The following SIGLEC7 variants were observed in gnomAD, a reference collection of about 807,000 sequenced individuals.
SIGLEC7 encodes the protein sialic acid-binding Ig-like lectin 7.
Under a neutral mutation model 40.8 loss-of-function variants are expected in SIGLEC7, and 33 were observed. That is an observed-to-expected ratio of 0.81 (90% CI 0.61 to 1.08). SIGLEC7 has a LOEUF of 1.08. Ranked by LOEUF, SIGLEC7 falls within the 50% of genes least tolerant of loss-of-function variation. The probability of loss-of-function intolerance (pLI) is 0.00; values close to 1 mark genes in which losing one functional copy is unlikely to be tolerated. For synonymous variants in SIGLEC7, 242 were observed against 237.6 expected, an observed-to-expected ratio of 1.02 and a Z score of -0.17; for missense variants, 513 against 576.1, an observed-to-expected ratio of 0.89 and a Z score of 1.12.
Position 51,144,930 on chromosome 19 carries a change from C to G in SIGLEC7, c.731C>G (p.Thr244Ser). ...LNVSYPPQNL[T>S]VTVFQGEGTA... ...GTCCCAGACCCTCCTCAGAACTTGACTGTGACTGTCTTCCAAGGAGAAGGC... is the reference window on the plus strand; with the variant it reads ...GTCCCAGACCCTCCTCAGAACTTGAGTGTGACTGTCTTCCAAGGAGAAGGC... The change falls in exon 3 of 7, where the codon ACT becomes AGT. Residue 244 changes from threonine to serine, a missense_variant. Transcript: ENST00000317643. 3.1e-6 allele frequency: 5 copies of G among 1,614,110 alleles called. No individual in the cohort carries two copies. Among genetic ancestry groups the G allele is most frequent in the Non-Finnish European group, 3.4e-6 (4 of 1,179,980 alleles).
At chr19:51,143,748 C>T in intron 1 of SIGLEC7, 1 of 249,694 alleles carries the variant, frequency 4.0e-6, no homozygotes, top group South Asian at 4.0e-5. Flanking sequence ...CCCTCTGTCT[C>T]AGAGATGCTG....
chr19:51,142,739 C>T lies in SIGLEC7; in HGVS notation c.370C>T (p.Arg124Cys), dbSNP rs759671422. ...GAGTGATGCGGGGAGATACTTCTTT[C>T]GTATGGAGAAAGGAAATATAAAATG... The part of the protein sequence containing the change: ...RMSDAGRYFF[R>C]MEKGNIKWNY... Residue 124 changes from arginine (R) to cysteine (C), a missense_variant, in exon 1 of 7, where the codon CGT becomes TGT. Arg to Cys is a radical substitution (Grantham distance 180). Transcript: ENST00000317643. The surrounding 1 kb of genome is among the most constrained non-coding windows in gnomAD (Gnocchi z 5.0). The T allele has an allele frequency of 1.2e-5, 20 of 1,613,456 alleles. No homozygotes were observed. Among genetic ancestry groups the T allele is most frequent in the Non-Finnish European group, 1.6e-5 (19 of 1,179,764 alleles).
In SIGLEC7 at chr19:51,145,778, T is replaced by C. The variant is rs2092103302; in HGVS notation, c.761-77T>C. ...CAGCCTACATCACTCTCTGTTCCAT[T>C]CCCCAGTCTCATTCTGTATCCTTCC... On this transcript the variant is annotated intron_variant, in intron 3 of 6. Coordinates refer to ENST00000317643, the MANE Select transcript of SIGLEC7 (RefSeq NM_014385.4). This position sits in a 1 kb window ranked among gnomAD's most constrained non-coding sequence, Gnocchi z 4.3. 6 of 1,528,896 alleles carry C rather than the reference T, an allele frequency of 3.9e-6. No individual in the cohort carries two copies. Among genetic ancestry groups the C allele is most frequent in the Admixed American group, 1.7e-5 (1 of 57,988 alleles). 94.7% of individuals were successfully genotyped at this position (1,528,896 alleles called of 1,614,324 possible). A position where few individuals can be genotyped will look rare whatever the true frequency, so the allele number is the denominator to read the frequency against.
chr19:51,144,542 C>T lies in SIGLEC7; in HGVS notation c.570C>T (p.Ser190=). Residue 190 remains serine, a synonymous_variant, in exon 2 of 7, where the codon TCC becomes TCT. Coordinates refer to ENST00000317643, the MANE Select transcript of SIGLEC7 (RefSeq NM_014385.4). ...PMISWMGTSV[S]PLHPSTTRSS... is the part of the protein sequence containing the mutation. ...TCTCCTGGATGGGGACCTCTGTGTCCCCCCTGCACCCCTCCACCACCCGCT... is the reference window on the plus strand; with the variant it reads ...TCTCCTGGATGGGGACCTCTGTGTCTCCCCTGCACCCCTCCACCACCCGCT... 1 of 1,613,862 alleles carries T rather than the reference C, an allele frequency of 6.2e-7. No individual in the cohort carries two copies. The highest frequency in any genetic ancestry group is 8.5e-7 in the Non-Finnish European group (1 of 1,180,004).
rs147682036 is a variant in SIGLEC7 at position 51,153,347 on chromosome 19, C to G, written c.*102C>G. ...ATTAGCAGCCCTCAATGCTGTGCAA[C>G]AAGACATCAGAACTTATTCCTCTTG... is the stretch of plus-strand genomic sequence containing the variant. On this transcript the variant is annotated 3_prime_UTR_variant, in exon 7 of 7. Transcript: ENST00000317643. 0.012 allele frequency: 10,765 copies of G among 919,732 alleles called. 87 individuals are homozygous for G. Among genetic ancestry groups the G allele is most frequent in the Non-Finnish European group, 0.015 (9,347 of 633,470 alleles). 57.0% of individuals were successfully genotyped at this position (919,732 alleles called of 1,614,324 possible).
intron 5 of SIGLEC7, 144 bp from the exon 6 acceptor site, chr19:51,147,077 C>A: frequency 7.7e-7 from 1 of 1,299,752 alleles, no homozygotes; most frequent in Non-Finnish European, 1.1e-6. Flanking sequence ...CTGTTTTCAA[C>A]ACTGGGGTCT....
rs943456760 is a variant in SIGLEC7 at position 51,145,701 on chromosome 19, G to T, written c.761-154G>T. 6.6e-6 allele frequency among the ~76,000 whole-genome samples: 1 copy of T among 152,124 alleles called. No individual in the cohort carries two copies. Among genetic ancestry groups the T allele is most frequent in the African/African-American group, 2.4e-5 (1 of 41,410 alleles). ...GTGAAGTTGTCCTCAAATAAAGGTGGGCAAGTTTACATTCCCAACAGTGAG... is the reference window on the plus strand; with the variant it reads ...GTGAAGTTGTCCTCAAATAAAGGTGTGCAAGTTTACATTCCCAACAGTGAG... On this transcript the variant is annotated intron_variant, in intron 3 of 6. Coordinates refer to ENST00000317643, the MANE Select transcript of SIGLEC7 (RefSeq NM_014385.4). The surrounding 1 kb of genome is among the most constrained non-coding windows in gnomAD (Gnocchi z 4.3).
At chr19:51,152,838 A>C in intron 6 of SIGLEC7, 1 of 336,760 alleles carries the variant, frequency 3.0e-6, no homozygotes. Flanking sequence ...AATAAGATTA[A>C]TAAACACCAA....
chr19:51,144,994 C>T, intron 3 of SIGLEC7, 35 bp downstream of exon 3: 2 of 1,600,360 alleles, frequency 1.2e-6, no homozygotes, highest in Non-Finnish European at 1.7e-6. Context: ...GCTGGGGGAG[C>T]AGGGCCTTCA....
At chr19:51,148,966 G>GT (rs1467962072) in intron 6 of SIGLEC7, among the ~76,000 whole-genome samples, 1 of 152,092 alleles carries the variant, frequency 6.6e-6, no homozygotes, top group African/African-American at 2.4e-5. Context: ...TCATATGTCT[G>GT]TTGGCCAAAA....
intron 6 of SIGLEC7, among the ~76,000 whole-genome samples, chr19:51,148,832 A>T (rs1409970318): frequency 6.6e-6 from 1 of 152,216 alleles, no homozygotes; most frequent in East Asian, 1.9e-4. Flanking sequence ...TTTTCTCTGC[A>T]GCCTTGCCAG....
intron 4 of SIGLEC7, among the ~76,000 whole-genome samples, chr19:51,146,423 T>C (rs1234305229): frequency 6.6e-6 from 1 of 152,136 alleles, no homozygotes; most frequent in Non-Finnish European, 1.5e-5. Flanking sequence ...CACTCACTTC[T>C]GGGCACACGA....
rs548477119 is a variant in SIGLEC7, at chr19:51,146,684, T to G, written c.1028-70T>G. The G allele has an allele frequency of 8.6e-5, 118 of 1,377,440 alleles. 1 individual carries two copies. The East Asian group carries it at 2.6e-3, about 30-fold the overall frequency. The allele number at this position is 1,377,440 out of a possible 1,614,324, so 85.3% of individuals were successfully genotyped here. On this transcript the variant is annotated intron_variant, in intron 4 of 6. Coordinates refer to ENST00000317643, the MANE Select transcript of SIGLEC7 (RefSeq NM_014385.4). ...TAGGGTACCCAAGTTGGGGGCCTTA[T>G]AGGAAGTGGGAGGAGAAGAGACCCA...
In SIGLEC7 at chr19:51,145,764, A is replaced by G. The variant is rs1051414889; in HGVS notation, c.761-91A>G. ...GTATGTCCCTGCACCAGCCTACATC[A>G]CTCTCTGTTCCATTCCCCAGTCTCA... is the stretch of plus-strand genomic sequence containing the variant. On this transcript the variant is annotated intron_variant, in intron 3 of 6. Coordinates refer to ENST00000317643, the MANE Select transcript of SIGLEC7 (RefSeq NM_014385.4). This position sits in a 1 kb window ranked among gnomAD's most constrained non-coding sequence, Gnocchi z 4.3. 6.2e-6 allele frequency: 9 copies of G among 1,449,720 alleles called. No individual in the cohort carries two copies. The highest frequency in any genetic ancestry group is 5.7e-6 in the Non-Finnish European group (6 of 1,051,984). 89.8% of individuals were successfully genotyped at this position (1,449,720 alleles called of 1,614,324 possible).
At chr19:51,144,278 T>C in intron 1 of SIGLEC7, 128 bp from the exon 2 acceptor site, 1 of 1,483,262 alleles carries the variant, frequency 6.7e-7, no homozygotes, top group South Asian at 1.3e-5. Context: ...ATGGGGCCCC[T>C]GCCCTGGGAG....
rs45602932 is a variant in SIGLEC7, at chr19:51,144,699, A to G, written c.712+15A>G. On this transcript the variant is annotated intron_variant, in intron 2 of 6. Coordinates refer to ENST00000317643, the MANE Select transcript of SIGLEC7 (RefSeq NM_014385.4). ...CAATGTGTCCTGTGAGTGCTGAGCC[A>G]GGACGCCCTGGTCCCTGATGAGGGG... 6.2e-7 allele frequency: 1 copy of G among 1,610,844 alleles called. No individual in the cohort carries two copies. The highest frequency in any genetic ancestry group is 2.2e-5 in the East Asian group (1 of 44,830).
intron 6 of SIGLEC7, among the ~76,000 whole-genome samples, chr19:51,151,380 T>C (rs1752222559): frequency 6.6e-6 from 1 of 152,046 alleles, no homozygotes; most frequent in South Asian, 2.1e-4. Flanking sequence ...ATAGGTTGAG[T>C]TTTGTGTGTC....
In SIGLEC7 at chr19:51,142,423, A is replaced by T; in HGVS notation, c.54A>T (p.Gly18=). 1 of 1,614,060 alleles carries T rather than the reference A, an allele frequency of 6.2e-7. No homozygotes were observed. Among genetic ancestry groups the T allele is most frequent in the Non-Finnish European group, 8.5e-7 (1 of 1,179,994 alleles). Residue 18 remains glycine (G), a synonymous_variant, in exon 1 of 7, where the codon GGA becomes GGT. Coordinates refer to ENST00000317643, the MANE Select transcript of SIGLEC7 (RefSeq NM_014385.4). The surrounding 1 kb of genome is among the most constrained non-coding windows in gnomAD (Gnocchi z 5.0). ...PLLWGRERVE[G]QKSNRKDYSL... is the part of the protein sequence containing the mutation. ...TCTGGGGGAGGGAGAGGGTGGAAGG[A>T]CAGAAGAGTAACCGGAAGGATTACT...
In SIGLEC7 at chr19:51,142,343, G is replaced by T. The variant is rs369292981; in HGVS notation, c.-27G>T. ...AACCCTGAGGAACAGACGTTCCCTC[G>T]CGGCCCTGGCACCTCCAACCCCAGA... On this transcript the variant is annotated 5_prime_UTR_variant, in exon 1 of 7. Coordinates refer to ENST00000317643, the MANE Select transcript of SIGLEC7 (RefSeq NM_014385.4). This position sits in a 1 kb window ranked among gnomAD's most constrained non-coding sequence, Gnocchi z 5.0. The T allele has an allele frequency of 4.4e-6, 7 of 1,604,258 alleles. No homozygotes were observed. Among genetic ancestry groups the T allele is most frequent in the Admixed American group, 1.7e-5 (1 of 59,732 alleles).
Sources: gnomAD v4.1 joint callset for allele counts (sites outside exome capture counted in the v4.1 genomes callset) on GRCh38, gnomAD v4.1.1 for gene constraint, Gnocchi (gnomAD v3.1) non-coding constraint, MANE v1.5 for transcripts, NCBI Gene and HGNC (gene_info 2026-07-23, HGNC 2026-07-21) for gene names.